MYO16: variants seen among roughly 807,000 people sequenced by gnomAD.
The protein encoded by MYO16 is unconventional myosin-XVI.
MYO16 carries 94 observed loss-of-function variants against 205.3 expected under a neutral mutation model. That is an observed-to-expected ratio of 0.46 (90% CI 0.39 to 0.54). The LOEUF is 0.54. MYO16 is among the 20% of genes least tolerant of loss of function. MYO16 has a pLI of 0.00. For synonymous variants in MYO16, 988 were observed against 954.0 expected (o/e 1.04, Z -0.66); for missense variants, 2,315 against 2,387.5 (o/e 0.97, Z 0.63).
intron 12 of MYO16, among the ~76,000 whole-genome samples, chr13:108,876,247 GCCCACCA>G (rs1231864825): frequency 6.6e-6 from 1 of 152,046 alleles, no homozygotes; most frequent in Non-Finnish European, 1.5e-5. Context: ...ACAGTTGTGT[GCCCACCA>G]CCCATATTGG....
At chr13:108,940,457 A>T (rs1237072435) in intron 16 of MYO16, among the ~76,000 whole-genome samples, 2 of 152,164 alleles carry the variant, frequency 1.3e-5, no homozygotes, top group African/African-American at 4.8e-5. Flanking sequence ...TTAGTAATGG[A>T]GTAAAATGTT....
intron 1 of MYO16, among the ~76,000 whole-genome samples, chr13:108,656,453 G>T (rs555633748): frequency 6.6e-6 from 1 of 152,210 alleles, no homozygotes; most frequent in South Asian, 2.1e-4. Flanking sequence ...ACATGAAAAT[G>T]GACTAATATA....
chr13:108,936,683 T>A (rs1882505693), intron 16 of MYO16, among the ~76,000 whole-genome samples: 1 of 152,176 alleles, frequency 6.6e-6, no homozygotes, highest in Admixed American at 6.5e-5. Context: ...GCCTGGTAGA[T>A]CTTTCTCCCA....
rs1191937082 is a variant in MYO16, at chr13:109,095,331, T to TGCTCCGGACTCACGTCCTGCTCCAG, written c.3336-5450_3336-5426dup. 1.1e-3 allele frequency among the ~76,000 whole-genome samples: 161 copies of TGCTCCGGACTCACGTCCTGCTCCAG among 152,332 alleles called. 1 individual carries two copies. Among genetic ancestry groups the TGCTCCGGACTCACGTCCTGCTCCAG allele is most frequent in the Non-Finnish European group, 1.7e-3 (117 of 68,026 alleles). ...ATAAGTCCCTCTCCAGTTGCTCCTG[T>TGCTCCGGACTCACGTCCTGCTCCAG]GCTCCGGACTCACGTCCTGCTCCAG... is the stretch of plus-strand genomic sequence containing the variant. On this transcript the variant is annotated intron_variant, in intron 27 of 34. Transcript: ENST00000457511.
At chr13:109,108,149 G>A (rs1345627040) in intron 28 of MYO16, among the ~76,000 whole-genome samples, 1 of 152,104 alleles carries the variant, frequency 6.6e-6, no homozygotes, top group African/African-American at 2.4e-5. Flanking sequence ...CTGAGGACAG[G>A]TGTCATGTCG....
chr13:108,834,530 A>G (rs1876794691), intron 9 of MYO16, among the ~76,000 whole-genome samples: 1 of 151,494 alleles, frequency 6.6e-6, no homozygotes, highest in African/African-American at 2.4e-5. Context: ...GAGCTGAGAG[A>G]AGAAGGTTAA....
intron 1 of MYO16, among the ~76,000 whole-genome samples, chr13:108,632,809 A>G (rs1880047752): frequency 6.6e-6 from 1 of 152,148 alleles, no homozygotes; most frequent in African/African-American, 2.4e-5. Context: ...GAGGTAACAC[A>G]TGAACATGAC....
the MYO16 span, among the ~76,000 whole-genome samples, chr13:108,523,581 C>A: frequency 2.7e-3 from 406 of 152,318 alleles, 3 homozygotes; most frequent in African/African-American, 9.1e-3. Flanking sequence ...AAGCTCTTGA[C>A]CCCAGCAGTC....
intron 4 of MYO16, among the ~76,000 whole-genome samples, chr13:108,784,955 A>G (rs575610832): frequency 6.6e-6 from 1 of 152,292 alleles, no homozygotes; most frequent in Non-Finnish European, 1.5e-5. Context: ...TGAAGCTGAG[A>G]GGGGCAAGGG....
chr13:109,051,806 T>C (rs1380669911), intron 24 of MYO16, among the ~76,000 whole-genome samples: 3 of 152,188 alleles, frequency 2.0e-5, no homozygotes, highest in Non-Finnish European at 4.4e-5. Flanking sequence ...ACACTTCTTT[T>C]CCCTTCTTTC....
chr13:109,112,140 G>A (rs761132329), intron 28 of MYO16, among the ~76,000 whole-genome samples: 72 of 152,074 alleles, frequency 4.7e-4, no homozygotes, highest in Middle Eastern at 3.2e-3. Flanking sequence ...GAGAGTATAC[G>A]GGAAGCTAAA....
At chr13:108,945,729 G>A (rs545241015) in intron 16 of MYO16, among the ~76,000 whole-genome samples, 2 of 152,154 alleles carry the variant, frequency 1.3e-5, no homozygotes, top group East Asian at 3.9e-4. Flanking sequence ...TACATACATT[G>A]TTTTGGATAA....
At chr13:109,188,084 A>C (rs1209161897) in intron 34 of MYO16, among the ~76,000 whole-genome samples, 1 of 152,200 alleles carries the variant, frequency 6.6e-6, no homozygotes, top group Non-Finnish European at 1.5e-5. Flanking sequence ...TCTATTCATC[A>C]TTATACAATT....
Position 109,056,965 on chromosome 13 carries a change from A to G in MYO16, c.3335+1370A>G, listed in dbSNP as rs551870209. Among the ~76,000 whole-genome samples, 9 of 152,282 alleles carry G rather than the reference A, an allele frequency of 5.9e-5. No individual in the cohort carries two copies. The East Asian group carries it at 1.7e-3, about 29-fold the overall frequency. On this transcript the variant is annotated intron_variant, in intron 27 of 34. Transcript: ENST00000457511. ...TATGAAAAAGTCTGTTTGATAAACC[A>G]TTCATCCAAAAAAGAGAGATTTTGA...
chr13:108,687,084 A>G (rs551147880), intron 2 of MYO16, among the ~76,000 whole-genome samples: 1 of 152,340 alleles, frequency 6.6e-6, no homozygotes, highest in Admixed American at 6.5e-5. Flanking sequence ...ATAACTTTGC[A>G]TTGTTTTCAG....
chr13:108,924,096 T>C lies in MYO16; in HGVS notation c.1925+13946T>C, dbSNP rs372196271. Among the ~76,000 whole-genome samples, 97 of 152,314 alleles carry C rather than the reference T, an allele frequency of 6.4e-4. 1 individual carries two copies. The South Asian group carries it at 0.018, about 29-fold the overall frequency. ...TTTAGGGCCATAAAGTCCAAAGATA[T>C]GTTAAAATATGCCCAGTAATCTCTA... is the stretch of plus-strand genomic sequence containing the variant. On this transcript the variant is annotated intron_variant, in intron 16 of 34. Coordinates refer to ENST00000457511, the MANE Select transcript of MYO16 (RefSeq NM_001198950.3).
chr13:108,822,707 T>C (rs1566351490), intron 8 of MYO16, among the ~76,000 whole-genome samples: 1 of 152,156 alleles, frequency 6.6e-6, no homozygotes, highest in Non-Finnish European at 1.5e-5. Flanking sequence ...TTTAGTAGAA[T>C]GTTTATAGGA....
rs147405422 is a variant in MYO16 at position 108,901,430 on chromosome 13, G to A, written c.1777+3297G>A. Among the ~76,000 whole-genome samples, 516 of 152,118 alleles carry A rather than the reference G, an allele frequency of 3.4e-3. 3 individuals are homozygous for A. Among genetic ancestry groups the A allele is most frequent in the African/African-American group, 0.011 (471 of 41,472 alleles). Reference sequence around the variant, plus strand: ...TGTCCCTTTATTTCTCAGACCGGCCGACTCTTAGGGAAATTAGAAAAGAAC... The same window carrying A: ...TGTCCCTTTATTTCTCAGACCGGCCAACTCTTAGGGAAATTAGAAAAGAAC... On this transcript the variant is annotated intron_variant, in intron 15 of 34. Coordinates refer to ENST00000457511, the MANE Select transcript of MYO16 (RefSeq NM_001198950.3).
chr13:108,898,256 A>T, intron 15 of MYO16, 123 bp downstream of exon 15: 1 of 759,560 alleles, frequency 1.3e-6, no homozygotes, highest in South Asian at 1.6e-5. Context: ...CCTATTCTTC[A>T]TGACCGTGTC....
Sources: gnomAD v4.1 joint callset for allele counts (sites outside exome capture counted in the v4.1 genomes callset) on GRCh38, gnomAD v4.1.1 for gene constraint, MANE v1.5 for transcripts, NCBI Gene and HGNC (gene_info 2026-07-23, HGNC 2026-07-21) for gene names.